Variants in BCKDHB observed in about 807,000 individuals in gnomAD.
The protein encoded by BCKDHB is branched chain keto acid dehydrogenase E1 subunit beta, also known as 2-oxoisovalerate dehydrogenase subunit beta, mitochondrial.
A neutral mutation model predicts 48.5 loss-of-function variants in BCKDHB; 41 were observed. That is an observed-to-expected ratio of 0.85 (90% confidence interval 0.66 to 1.10). The LOEUF (loss-of-function observed/expected upper bound fraction) is 1.10, where lower values mean the gene tolerates loss of function less well. BCKDHB is among the 50% of genes least tolerant of loss of function. The pLI is 0.00. For missense variants in BCKDHB, 496 were observed against 494.2 expected (o/e 1.00, Z -0.03); for synonymous variants, 201 against 174.8 (o/e 1.15, Z -1.18).
intron 3 of BCKDHB, among the ~76,000 whole-genome samples, chr6:80,141,948 G>C (rs1292299637): frequency 6.6e-6 from 1 of 152,044 alleles, no homozygotes; most frequent in African/African-American, 2.4e-5. Context: ...TTAACAGGGG[G>C]AGGAACCCAG....
chr6:80,379,287 G>A, the BCKDHB span, among the ~76,000 whole-genome samples: 7 of 151,990 alleles, frequency 4.6e-5, no homozygotes, highest in Admixed American at 1.3e-4. Context: ...TTCAACATAT[G>A]CAAATTAATA....
the BCKDHB span, among the ~76,000 whole-genome samples, chr6:80,409,753 G>A: frequency 6.6e-6 from 1 of 150,686 alleles, no homozygotes; most frequent in African/African-American, 2.4e-5. Flanking sequence ...AACCCCTGCT[G>A]CTTTTTGCTT....
At chr6:80,310,537 A>G (rs112991770) in intron 9 of BCKDHB, among the ~76,000 whole-genome samples, 16,586 of 152,118 alleles carry the variant, frequency 0.11, 1,123 homozygotes, top group South Asian at 0.25. Context: ...TGTGTTTGCT[A>G]TTGTGAATAG....
rs1402832975 is a variant in BCKDHB, at chr6:80,110,704, G to T, written c.196+3815G>T. Among the ~76,000 whole-genome samples, 5 of 152,344 alleles carry T rather than the reference G, an allele frequency of 3.3e-5. No individual in the cohort carries two copies. In the South Asian group the frequency reaches 8.3e-4, roughly 25 times the overall value. On this transcript the variant is annotated intron_variant, in intron 1 of 9. Transcript: ENST00000320393. The stretch of plus-strand genomic sequence containing the variant: ...ATCCCTTGGCACCTGAGCCAGGAGG[G>T]TATATGGATCTGCCACCAATGGGTG...
intron 6 of BCKDHB, among the ~76,000 whole-genome samples, chr6:80,193,734 A>T (rs527434374): frequency 6.6e-5 from 10 of 151,982 alleles, no homozygotes; most frequent in Admixed American, 5.2e-4. Context: ...AAAAAAAAAA[A>T]AAAAGTCTCC....
intron 1 of BCKDHB, among the ~76,000 whole-genome samples, chr6:80,118,638 T>C (rs578075590): frequency 5.3e-4 from 80 of 152,360 alleles, no homozygotes; most frequent in African/African-American, 1.9e-3. Context: ...GTAGAACTTT[T>C]TTCAGAATTG....
the BCKDHB span, among the ~76,000 whole-genome samples, chr6:80,358,688 G>C: frequency 6.6e-6 from 1 of 152,184 alleles, no homozygotes. Context: ...CATGAAGACA[G>C]AATGGAGATT....
At chr6:80,217,420 A>C (rs1436899898) in intron 8 of BCKDHB, among the ~76,000 whole-genome samples, 1 of 152,152 alleles carries the variant, frequency 6.6e-6, no homozygotes, top group Non-Finnish European at 1.5e-5. Flanking sequence ...AGTTTCTTAC[A>C]TAACTATTTC....
chr6:80,287,696 T>C (rs77530048), intron 9 of BCKDHB, among the ~76,000 whole-genome samples: 4,327 of 152,254 alleles, frequency 0.028, 186 homozygotes, highest in African/African-American at 0.099. Flanking sequence ...ATATAAAAGC[T>C]TGATGGAGCT....
At chr6:80,373,604 A>T in the BCKDHB span, among the ~76,000 whole-genome samples, 1 of 152,090 alleles carries the variant, frequency 6.6e-6, no homozygotes, top group Middle Eastern at 3.2e-3. Context: ...GTCAGTGGAT[A>T]AAAGTCCCCC....
chr6:80,177,216 A>G, intron 6 of BCKDHB, among the ~76,000 whole-genome samples: 1 of 110,972 alleles, frequency 9.0e-6, no homozygotes. Flanking sequence ...TGACAGTGAG[A>G]CCTTGTCTCA....
the BCKDHB span, among the ~76,000 whole-genome samples, chr6:80,353,497 T>C: frequency 0.95 from 144,494 of 152,154 alleles, 69,083 homozygotes; most frequent in Middle Eastern, 1. Context: ...TTCCCATCAA[T>C]GTGTATAGGA....
the BCKDHB span, among the ~76,000 whole-genome samples, chr6:80,429,954 G>A: frequency 3.0e-4 from 46 of 152,258 alleles, no homozygotes; most frequent in South Asian, 8.9e-3. Context: ...GTTTTCAAAG[G>A]GAATGCTTCC....
At chr6:80,371,018 C>A in the BCKDHB span, among the ~76,000 whole-genome samples, 1 of 152,070 alleles carries the variant, frequency 6.6e-6, no homozygotes, top group Non-Finnish European at 1.5e-5. Flanking sequence ...AGTGGGATTG[C>A]TGGATCAAAT....
intron 8 of BCKDHB, among the ~76,000 whole-genome samples, chr6:80,269,766 G>A (rs1040877422): frequency 2.6e-5 from 4 of 152,036 alleles, no homozygotes; most frequent in African/African-American, 9.7e-5. Flanking sequence ...TTATTTGGAA[G>A]AAAATATTTT....
chr6:80,123,392 A>G (rs1177360723), intron 1 of BCKDHB, among the ~76,000 whole-genome samples: 3 of 152,278 alleles, frequency 2.0e-5, no homozygotes, highest in East Asian at 1.9e-4. Flanking sequence ...AATTTTCACG[A>G]TTTATGTTCC....
chr6:80,441,904 T>C, the BCKDHB span, among the ~76,000 whole-genome samples: 1 of 152,120 alleles, frequency 6.6e-6, no homozygotes, highest in Admixed American at 6.6e-5. Context: ...GAGCTTAATA[T>C]TAAACAGTTA....
chr6:80,380,836 G>A, the BCKDHB span, among the ~76,000 whole-genome samples: 5 of 151,874 alleles, frequency 3.3e-5, no homozygotes, highest in African/African-American at 1.2e-4. Context: ...TCTTAATTTC[G>A]TGTTCAGATT....
chr6:80,365,495 A>G, the BCKDHB span, among the ~76,000 whole-genome samples: 1 of 152,064 alleles, frequency 6.6e-6, no homozygotes, highest in Non-Finnish European at 1.5e-5. Flanking sequence ...TATCTCTCCT[A>G]CTTGCGTGTC....
Sources: allele counts gnomAD v4.1 joint callset (sites outside exome capture counted in the v4.1 genomes callset), GRCh38; gene constraint gnomAD v4.1.1; transcripts MANE v1.5; gene names NCBI Gene and HGNC (gene_info 2026-07-23, HGNC 2026-07-21).